Variants in OR1L8 observed in about 807,000 individuals in gnomAD.
The protein encoded by OR1L8 is olfactory receptor 1L8.
For missense variants in OR1L8, 330 were observed against 377.4 expected (o/e 0.87, Z 1.04); for synonymous variants, 148 against 147.0 (o/e 1.01, Z -0.05).
the OR1L8 span, chr9:122,552,997 A>G: frequency 1.7e-6 from 1 of 601,910 alleles, no homozygotes; most frequent in Non-Finnish European, 2.9e-6. Context: ...ATTTGAATGG[A>G]TATTATCTTA....
chr9:122,576,638 T>G (rs1471029995), intron 3 of OR1L8, 128 bp downstream of exon 3: 2 of 152,218 alleles, frequency 1.3e-5, no homozygotes, highest in African/African-American at 4.8e-5. Flanking sequence ...CAGGTAGAAC[T>G]CTGGGAGGTA....
At chr9:122,562,603 A>G (rs558188944), downstream of OR1L8, among the ~76,000 whole-genome samples, 3 of 151,128 alleles carry the variant, frequency 2.0e-5, no homozygotes, top group Non-Finnish European at 4.4e-5. Context: ...GGGCTGCCAC[A>G]CCACACTGCA....
At chr9:122,569,828 C>G (rs10818719) in intron 4 of OR1L8, among the ~76,000 whole-genome samples, 1 of 151,262 alleles carries the variant, frequency 6.6e-6, no homozygotes, top group East Asian at 1.9e-4. Flanking sequence ...ATCCCTCCCC[C>G]CTGCCCCCAC....
At chr9:122,547,620 A>AGTGTGTGTGTGTGTGT in the OR1L8 span, among the ~76,000 whole-genome samples, 5 of 142,986 alleles carry the variant, frequency 3.5e-5, no homozygotes, top group African/African-American at 7.8e-5. Context: ...GTAGTAGTTC[A>AGTGTGTGTGTGTGTGT]GTGTGTGTGT....
At chr9:122,548,601 A>G in the OR1L8 span, among the ~76,000 whole-genome samples, 1 of 151,550 alleles carries the variant, frequency 6.6e-6, no homozygotes, top group Non-Finnish European at 1.5e-5. Flanking sequence ...ATATATATAT[A>G]TTTTTATTAT....
At chr9:122,562,668 C>T (rs1829372013), downstream of OR1L8, among the ~76,000 whole-genome samples, 3 of 152,130 alleles carry the variant, frequency 2.0e-5, no homozygotes, top group Non-Finnish European at 2.9e-5. Context: ...GGTGACAGCA[C>T]CTGGATACCT....
the OR1L8 span, among the ~76,000 whole-genome samples, chr9:122,547,882 G>A: frequency 6.6e-6 from 1 of 152,026 alleles, no homozygotes; most frequent in Non-Finnish European, 1.5e-5. Context: ...TTTCCATAGA[G>A]GCTGTATTAA....
At position 122,568,089 on chromosome 9, in the gene OR1L8, G is replaced by T; in HGVS notation, c.389C>A (p.Pro130His). ...GCTCATGGTGGTGACATAGTGGAAA[G>T]GGTCACAGACGGCCACATAGCGGTC... The part of the protein sequence containing the change: ...AFDRYVAVCD[P>H]FHYVTTMSHH... The change falls in exon 5 of 5, where the codon CCT becomes CAT. Residue 130 changes from proline (P) to histidine (H), a missense_variant. Pro to His is a moderately conservative substitution (Grantham distance 77). Transcript: ENST00000641027. 6.2e-7 allele frequency: 1 copy of T among 1,614,052 alleles called. No homozygotes were observed. The highest frequency in any genetic ancestry group is 8.5e-7 in the Non-Finnish European group (1 of 1,179,986).
intron 4 of OR1L8, among the ~76,000 whole-genome samples, chr9:122,572,375 T>A (rs554315023): frequency 1.1e-4 from 16 of 152,300 alleles, no homozygotes; most frequent in African/African-American, 3.6e-4. Flanking sequence ...GCCTTGGGAA[T>A]ACAGAATTTA....
At position 122,568,409 on chromosome 9, in the gene OR1L8, C is replaced by T; in HGVS notation, c.69G>A (p.Glu23=). The T allele has an allele frequency of 6.2e-7, 1 of 1,613,608 alleles. No homozygotes were observed. Among genetic ancestry groups the T allele is most frequent in the Non-Finnish European group, 8.5e-7 (1 of 1,179,652 alleles). Residue 23 remains glutamate (E), a synonymous_variant, in exon 5 of 5, where the codon GAG becomes GAA. Transcript: ENST00000641027. ...FILLGLSSRP[E]DQKTLFVLFL... ...AGAGAACAAAGAGTGTCTTTTGGTCCTCAGGCCGGGAGGAGAGTCCCAGGA... is the reference window on the plus strand; with the variant it reads ...AGAGAACAAAGAGTGTCTTTTGGTCTTCAGGCCGGGAGGAGAGTCCCAGGA...
rs71371951 is a variant in OR1L8 at position 122,576,388 on chromosome 9, A to AT, written c.-342+377dup. ...AGGTGTGAGCCACCACGCCCAGCTA[A>AT]TTTTTTTTTTTTTTTTTGTATTTTT... On this transcript the variant is annotated intron_variant, in intron 3 of 4. Transcript: ENST00000641027. Among the ~76,000 whole-genome samples the AT allele has an allele frequency of 6.3e-3, 869 of 138,608 alleles. 3 individuals are homozygous for AT. Among genetic ancestry groups the AT allele is most frequent in the East Asian group, 0.022 (103 of 4,710 alleles). 90.9% of individuals were successfully genotyped at this position (138,608 alleles called of 152,430 possible). A position where few individuals can be genotyped will look rare whatever the true frequency, so the allele number is the denominator to read the frequency against.
chr9:122,573,151 G>C (rs1261517659), intron 3 of OR1L8, among the ~76,000 whole-genome samples: 2 of 152,198 alleles, frequency 1.3e-5, no homozygotes, highest in African/African-American at 4.8e-5. Context: ...TGTGATCCTT[G>C]TTAGGCTGAT....
At chr9:122,560,926 A>G in the OR1L8 span, among the ~76,000 whole-genome samples, 1 of 152,088 alleles carries the variant, frequency 6.6e-6, no homozygotes, top group East Asian at 1.9e-4. Flanking sequence ...TGTGTTTTCC[A>G]TCTTGGTTCC....
chr9:122,573,114 G>C (rs866573372), intron 3 of OR1L8, among the ~76,000 whole-genome samples: 18 of 152,206 alleles, frequency 1.2e-4, no homozygotes, highest in Non-Finnish European at 1.3e-4. Context: ...AGCTTTCCAT[G>C]GGTTTGAGTT....
At chr9:122,553,395 A>G in the OR1L8 span, 1 of 1,614,020 alleles carries the variant, frequency 6.2e-7, no homozygotes, top group Non-Finnish European at 8.5e-7. Context: ...CCATACTCCC[A>G]TGTACTTCTT....
chr9:122,546,976 C>A, the OR1L8 span, among the ~76,000 whole-genome samples: 13 of 152,024 alleles, frequency 8.6e-5, no homozygotes, highest in Non-Finnish European at 1.5e-4. Flanking sequence ...CTCCTTCTAG[C>A]TACTTGAAAC....
chr9:122,578,596 C>T (rs1251523452), intron 1 of OR1L8, among the ~76,000 whole-genome samples, 151 bp from the exon 2 acceptor site: 1 of 151,994 alleles, frequency 6.6e-6, no homozygotes, highest in East Asian at 1.9e-4. Context: ...GTGATATATA[C>T]ATATACCATG....
chr9:122,570,783 T>C (rs1829533669), intron 4 of OR1L8, among the ~76,000 whole-genome samples: 2 of 152,178 alleles, frequency 1.3e-5, no homozygotes, highest in Non-Finnish European at 1.5e-5. Context: ...TTTGCTGATA[T>C]ATTGAGTGAA....
At chr9:122,561,270 A>T in the OR1L8 span, among the ~76,000 whole-genome samples, 1 of 152,078 alleles carries the variant, frequency 6.6e-6, no homozygotes, top group Non-Finnish European at 1.5e-5. Context: ...GCTTCTTTGC[A>T]TTGGGTTAGA....
Sources: allele counts gnomAD v4.1 joint callset (sites outside exome capture counted in the v4.1 genomes callset), GRCh38; gene constraint gnomAD v4.1.1; transcripts MANE v1.5; gene names NCBI Gene and HGNC (gene_info 2026-07-23, HGNC 2026-07-21).